The following ALK variants were observed in gnomAD, a reference collection of about 807,000 sequenced individuals.
ALK encodes the protein ALK tyrosine kinase receptor.
Under a neutral mutation model 163.1 loss-of-function variants are expected in ALK, and 74 were observed. That is an observed-to-expected ratio of 0.45 (90% confidence interval 0.38 to 0.55). The LOEUF is 0.55. ALK is among the 20% of genes least tolerant of loss of function. ALK has a pLI of 0.00. For synonymous variants in ALK, 960 were observed against 843.2 expected (o/e 1.14, Z -2.40); for missense variants, 2,063 against 2,105.3 (o/e 0.98, Z 0.39).
intron 4 of ALK, among the ~76,000 whole-genome samples, chr2:29,440,126 C>T (rs914521977): frequency 4.0e-5 from 6 of 151,538 alleles, no homozygotes; most frequent in Non-Finnish European, 4.4e-5. Flanking sequence ...CCCAGCTATT[C>T]GGGAGGCTGA....
intron 1 of ALK, among the ~76,000 whole-genome samples, chr2:29,889,818 G>A (rs1287382588): frequency 1.3e-5 from 2 of 151,194 alleles, no homozygotes; most frequent in African/African-American, 4.9e-5. Context: ...ACAGACTCCA[G>A]TACTGCTAGT....
intron 1 of ALK, among the ~76,000 whole-genome samples, chr2:29,735,796 T>C (rs1232929270): frequency 6.6e-6 from 1 of 152,060 alleles, no homozygotes; most frequent in East Asian, 1.9e-4. Context: ...AATAAGGACA[T>C]ATTTGCTTCA....
rs770625956 is a variant in ALK, at chr2:29,920,097, C to A, written c.563G>T (p.Arg188Leu). ...IRQGEGRLRI[R>L]LMPEKKASEV... is the part of the protein sequence containing the mutation. ...CGACGCCTTCTTCTCGGGCATCAGG[C>A]GGATCCTCAGTCGCCCTTCGCCTTG... is the stretch of plus-strand genomic sequence containing the variant. Residue 188 changes from arginine to leucine, a missense_variant, in exon 1 of 29, where the codon CGC (arginine) becomes CTC (leucine). Physicochemically the swap from Arg to Leu is moderately radical, Grantham distance 102. Around this residue, in one of 5 missense-constraint regions of ALK, gnomAD observed 987 missense variants for 939.5 expected, o/e 1.05. Coordinates refer to ENST00000389048, the MANE Select transcript of ALK (RefSeq NM_004304.5). The A allele has an allele frequency of 1.2e-6, 2 of 1,614,194 alleles. No individual in the cohort carries two copies. The highest frequency in any genetic ancestry group is 8.5e-7 in the Non-Finnish European group (1 of 1,180,054).
chr2:29,285,811 C>T (rs1665840980), intron 9 of ALK, among the ~76,000 whole-genome samples: 1 of 152,114 alleles, frequency 6.6e-6, no homozygotes, highest in Non-Finnish European at 1.5e-5. Context: ...GATCTGCCTG[C>T]CTTGGCCTCC....
chr2:29,658,951 T>G (rs766159996), intron 3 of ALK, among the ~76,000 whole-genome samples: 7 of 152,050 alleles, frequency 4.6e-5, no homozygotes, highest in Non-Finnish European at 8.8e-5. Context: ...AATTATGAAG[T>G]TTTCAGCAAA....
intron 1 of ALK, among the ~76,000 whole-genome samples, chr2:29,834,671 T>C (rs897389035): frequency 2.0e-5 from 3 of 152,030 alleles, no homozygotes; most frequent in East Asian, 1.9e-4. Context: ...GGTGCGAGTA[T>C]AGAGAGGGGA....
At chr2:29,874,084 C>T (rs181242079) in intron 1 of ALK, among the ~76,000 whole-genome samples, 1 of 152,288 alleles carries the variant, frequency 6.6e-6, no homozygotes, top group Admixed American at 6.5e-5. Flanking sequence ...TAACTACTGA[C>T]CAAATATAGC....
intron 5 of ALK, among the ~76,000 whole-genome samples, chr2:29,343,840 C>G (rs976886763): frequency 1.3e-5 from 2 of 152,150 alleles, no homozygotes; most frequent in African/African-American, 4.8e-5. Flanking sequence ...CTGGCAGGTC[C>G]CCAGGTACAC....
intron 3 of ALK, among the ~76,000 whole-genome samples, chr2:29,619,795 G>T (rs953751788): frequency 3.3e-5 from 5 of 152,172 alleles, no homozygotes; most frequent in East Asian, 3.9e-4. Flanking sequence ...AAGGGTCCCT[G>T]GTCTGCTGCC....
At chr2:29,443,506 G>C (rs899550203) in intron 4 of ALK, among the ~76,000 whole-genome samples, 2 of 152,122 alleles carry the variant, frequency 1.3e-5, no homozygotes, top group African/African-American at 4.8e-5. Context: ...CAGTTTGGGG[G>C]AAGGGTTTGT....
chr2:29,634,394 C>G (rs1676465616), intron 3 of ALK, among the ~76,000 whole-genome samples: 1 of 151,972 alleles, frequency 6.6e-6, no homozygotes, highest in Non-Finnish European at 1.5e-5. Context: ...TATTGCCCAA[C>G]AGAGTTGAGC....
At chr2:29,301,973 C>A (rs1666385579) in intron 8 of ALK, among the ~76,000 whole-genome samples, 1 of 152,222 alleles carries the variant, frequency 6.6e-6, no homozygotes, top group African/African-American at 2.4e-5. Flanking sequence ...CTCTTTGCTG[C>A]ATACTCTGTT....
At position 29,748,696 on chromosome 2, in the gene ALK, A is replaced by G. The variant is rs1371867164; in HGVS notation, c.668-30999T>C. Among the ~76,000 whole-genome samples, 7 of 152,288 alleles carry G rather than the reference A, an allele frequency of 4.6e-5. No individual in the cohort carries two copies. The South Asian group carries it at 1.4e-3, about 32-fold the overall frequency. ...TATACATATTTAATAGGTATCCCTCAGTGATTCAGAAGAAGGCGCTTAGTC... is the reference window on the plus strand; with the variant it reads ...TATACATATTTAATAGGTATCCCTCGGTGATTCAGAAGAAGGCGCTTAGTC... On this transcript the variant is annotated intron_variant, in intron 1 of 28. Coordinates refer to ENST00000389048, the MANE Select transcript of ALK (RefSeq NM_004304.5).
intron 11 of ALK, among the ~76,000 whole-genome samples, chr2:29,272,115 A>C (rs1313381096): frequency 1.3e-5 from 2 of 152,008 alleles, no homozygotes; most frequent in Non-Finnish European, 1.5e-5. Context: ...CATTACTGCC[A>C]GAGAGAGACA....
At chr2:29,738,435 C>G (rs910068826) in intron 1 of ALK, among the ~76,000 whole-genome samples, 3 of 152,006 alleles carry the variant, frequency 2.0e-5, no homozygotes, top group African/African-American at 7.3e-5. Context: ...AGCTTATGAG[C>G]CCGCTGGGAA....
At chr2:29,892,259 C>T (rs1391045928) in intron 1 of ALK, 1 of 152,144 alleles carries the variant, frequency 6.6e-6, no homozygotes, top group African/African-American at 2.4e-5. Context: ...TAGGAGATGC[C>T]CTTTCATCTT....
chr2:29,794,692 G>A (rs887684844), intron 1 of ALK, among the ~76,000 whole-genome samples: 4 of 152,154 alleles, frequency 2.6e-5, no homozygotes, highest in Admixed American at 2.0e-4. Context: ...TTAGGAAAAT[G>A]GCAGGTTGGT....
chr2:29,354,848 G>C (rs1403050449), intron 5 of ALK, among the ~76,000 whole-genome samples: 2 of 149,836 alleles, frequency 1.3e-5, no homozygotes, highest in Admixed American at 1.3e-4. Context: ...CTCACTGCAA[G>C]CTCCACCTCC....
intron 1 of ALK, among the ~76,000 whole-genome samples, chr2:29,904,499 C>G (rs1667489481): frequency 6.6e-6 from 1 of 152,120 alleles, no homozygotes; most frequent in African/African-American, 2.4e-5. Context: ...GGGGAAACCC[C>G]TTTATTAATA....
Sources: gnomAD v4.1 joint callset for allele counts (sites outside exome capture counted in the v4.1 genomes callset) on GRCh38, gnomAD v4.1.1 for gene constraint, gnomAD v4.1.1 regional missense constraint, MANE v1.5 for transcripts, NCBI Gene and HGNC (gene_info 2026-07-23, HGNC 2026-07-21) for gene names.